The following STXBP5L variants were observed in gnomAD, a reference collection of about 807,000 sequenced individuals.
STXBP5L encodes the protein syntaxin binding protein 5L.
Under a neutral mutation model 144.5 loss-of-function variants are expected in STXBP5L, and 65 were observed. The ratio of observed to expected loss-of-function variants is 0.45; its 90% CI spans 0.37 to 0.55. STXBP5L has a LOEUF of 0.55. Among genes scored for constraint, STXBP5L ranks in the 20% least tolerant of loss-of-function variants. STXBP5L has a pLI of 0.00. For missense variants in STXBP5L, 1,298 were observed against 1,405.5 expected, an observed-to-expected ratio of 0.92 and a Z score of 1.22; for synonymous variants, 505 against 469.6, an observed-to-expected ratio of 1.08 and a Z score of -0.97.
At chr3:120,952,373 A>G (rs1371076206) in intron 2 of STXBP5L, among the ~76,000 whole-genome samples, 3 of 152,136 alleles carry the variant, frequency 2.0e-5, no homozygotes, top group African/African-American at 7.2e-5. Flanking sequence ...TTTTCAGAGT[A>G]CAAATTTTGC....
At chr3:121,038,556 AG>A (rs1474499964) in intron 3 of STXBP5L, among the ~76,000 whole-genome samples, 1 of 151,922 alleles carries the variant, frequency 6.6e-6, no homozygotes, top group African/African-American at 2.4e-5. Context: ...ATATTTCAAA[AG>A]TATATTTATT....
At chr3:121,212,169 G>T (rs1327863315) in intron 10 of STXBP5L, among the ~76,000 whole-genome samples, 1 of 152,104 alleles carries the variant, frequency 6.6e-6, no homozygotes, top group Non-Finnish European at 1.5e-5. Flanking sequence ...TAGGTTGCCT[G>T]TTCACTCTCA....
chr3:121,007,867 T>C (rs796165702), intron 3 of STXBP5L, among the ~76,000 whole-genome samples: 11 of 152,204 alleles, frequency 7.2e-5, no homozygotes, highest in African/African-American at 2.6e-4. Flanking sequence ...GTTACTCTTA[T>C]GCTCCATGTT....
intron 5 of STXBP5L, among the ~76,000 whole-genome samples, chr3:121,105,913 A>G (rs1440444307): frequency 6.6e-6 from 1 of 152,256 alleles, no homozygotes; most frequent in East Asian, 1.9e-4. Flanking sequence ...AAAAATTTAT[A>G]TTTTATTTTG....
At chr3:120,996,828 G>T (rs1409283922) in intron 3 of STXBP5L, among the ~76,000 whole-genome samples, 1 of 152,042 alleles carries the variant, frequency 6.6e-6, no homozygotes, top group African/African-American at 2.4e-5. Flanking sequence ...CTAGGTTCAG[G>T]GGGGTACATG....
chr3:121,218,041 TATA>T (rs2048842241), intron 10 of STXBP5L, among the ~76,000 whole-genome samples: 1 of 143,808 alleles, frequency 7.0e-6, no homozygotes, highest in Admixed American at 7.2e-5. Flanking sequence ...TACTATATAA[TATA>T]CTATATATAA....
chr3:121,130,346 A>T (rs2044923909), intron 7 of STXBP5L, among the ~76,000 whole-genome samples: 1 of 152,062 alleles, frequency 6.6e-6, no homozygotes, highest in African/African-American at 2.4e-5. Context: ...GTCCATCATG[A>T]GTTACATATT....
chr3:121,404,913 T>A (rs1241015076), intron 22 of STXBP5L, among the ~76,000 whole-genome samples: 1 of 152,116 alleles, frequency 6.6e-6, no homozygotes, highest in Admixed American at 6.6e-5. Context: ...TTTCTCACAG[T>A]TCTGGAGACT....
At chr3:121,342,808 C>A (rs1186527054) in intron 20 of STXBP5L, among the ~76,000 whole-genome samples, 2 of 147,684 alleles carry the variant, frequency 1.4e-5, no homozygotes. Context: ...AATAAACATA[C>A]ATGTGCATGT....
chr3:120,976,091 T>A (rs1940966630), intron 3 of STXBP5L, among the ~76,000 whole-genome samples: 1 of 152,232 alleles, frequency 6.6e-6, no homozygotes, highest in African/African-American at 2.4e-5. Flanking sequence ...CCTCTTTTTC[T>A]ATTGATTGGA....
chr3:121,091,707 T>C (rs1267301683), intron 5 of STXBP5L, among the ~76,000 whole-genome samples: 1 of 152,206 alleles, frequency 6.6e-6, no homozygotes, highest in African/African-American at 2.4e-5. Context: ...TGCGAAAATT[T>C]TCTCCCATGT....
intron 3 of STXBP5L, among the ~76,000 whole-genome samples, chr3:121,016,426 A>G (rs1945151196): frequency 6.6e-6 from 1 of 152,246 alleles, no homozygotes; most frequent in Non-Finnish European, 1.5e-5. Flanking sequence ...AAGATTCAAA[A>G]GGAAATTCTA....
chr3:121,395,708 T>C (rs892259059), intron 22 of STXBP5L, among the ~76,000 whole-genome samples: 6 of 152,238 alleles, frequency 3.9e-5, no homozygotes, highest in Non-Finnish European at 7.3e-5. Flanking sequence ...GTTGAAGGAA[T>C]ACTCACAGCA....
In STXBP5L at chr3:121,084,922, T is replaced by C. The variant is rs574212998; in HGVS notation, c.471-30003T>C. 2.0e-5 allele frequency among the ~76,000 whole-genome samples: 3 copies of C among 152,204 alleles called. No homozygotes were observed. In the East Asian group the frequency reaches 5.8e-4, roughly 29 times the overall value. ...GGTCATCATTCTGACTGGCATGAGATAGTATCTCATTCTAATTTTAATTTG... is the reference window on the plus strand; with the variant it reads ...GGTCATCATTCTGACTGGCATGAGACAGTATCTCATTCTAATTTTAATTTG... On this transcript the variant is annotated intron_variant, in intron 5 of 26. Coordinates refer to ENST00000471454, the MANE Select transcript of STXBP5L (RefSeq NM_001308330.2).
intron 3 of STXBP5L, 73 bp from the exon 4 acceptor site, chr3:121,041,627 A>C: frequency 8.9e-7 from 1 of 1,119,378 alleles, no homozygotes; most frequent in South Asian, 1.3e-5. Context: ...CTGTTGATCA[A>C]TAAGTTAGTT....
chr3:121,352,243 G>T (rs1038365500), intron 20 of STXBP5L, among the ~76,000 whole-genome samples: 1 of 151,994 alleles, frequency 6.6e-6, no homozygotes, highest in African/African-American at 2.4e-5. Context: ...AGCTTGATGG[G>T]GATGGCATTG....
chr3:120,984,064 G>A (rs998915321), intron 3 of STXBP5L, among the ~76,000 whole-genome samples: 4 of 152,106 alleles, frequency 2.6e-5, no homozygotes, highest in African/African-American at 9.7e-5. Flanking sequence ...CACCCCGGAT[G>A]ATTCAGCCAC....
chr3:121,023,725 A>G (rs929191735), intron 3 of STXBP5L, among the ~76,000 whole-genome samples: 1 of 152,194 alleles, frequency 6.6e-6, no homozygotes, highest in African/African-American at 2.4e-5. Flanking sequence ...TACAAAAATC[A>G]GCTCAAGATG....
Position 121,115,003 on chromosome 3 carries a change from T to A in STXBP5L, c.549T>A (p.Asn183Lys), listed in dbSNP as rs764022308. Reference protein sequence around the residue: ...GTERGNTHIVNIESFILSGYV... With the variant: ...GTERGNTHIVKIESFILSGYV... ...AAAGAGGAAATACACATATTGTAAA[T>A]ATTGAATCTTTCATTCTTTCTGGAT... Residue 183 changes from asparagine to lysine, a missense_variant, in exon 6 of 27, where the codon AAT becomes AAA. Transcript: ENST00000471454. The A allele has an allele frequency of 6.2e-7, 1 of 1,601,972 alleles. No homozygotes were observed. Among genetic ancestry groups the A allele is most frequent in the East Asian group, 2.3e-5 (1 of 43,830 alleles).
Sources: gnomAD v4.1 joint callset for allele counts (sites outside exome capture counted in the v4.1 genomes callset) on GRCh38, gnomAD v4.1.1 for gene constraint, MANE v1.5 for transcripts, NCBI Gene and HGNC (gene_info 2026-07-23, HGNC 2026-07-21) for gene names.